The following CSMD3 variants were observed in gnomAD, a reference collection of about 807,000 sequenced individuals.
The protein encoded by CSMD3 is CUB and sushi domain-containing protein 3.
CSMD3 carries 177 observed loss-of-function variants against 435.2 expected under a neutral mutation model. The observed-to-expected ratio is 0.41, with a 90% CI of 0.36 to 0.46. CSMD3 has a LOEUF of 0.46. Among genes scored for constraint, CSMD3 ranks in the 20% least tolerant of loss-of-function variants. The probability of loss-of-function intolerance (pLI) is 0.34; values close to 1 mark genes in which losing one functional copy is unlikely to be tolerated. For synonymous variants in CSMD3, 1,656 were observed against 1,520.5 expected (o/e 1.09, Z -2.07); for missense variants, 4,265 against 4,504.6 (o/e 0.95, Z 1.52).
intron 32 of CSMD3, among the ~76,000 whole-genome samples, chr8:112,459,972 A>T (rs912939310): frequency 1.3e-5 from 2 of 152,098 alleles, no homozygotes; most frequent in African/African-American, 4.8e-5. Context: ...GTGCCATCTC[A>T]TCAGATCAAT....
In CSMD3 at chr8:112,319,892, C is replaced by A. The variant is rs1333404672; in HGVS notation, c.7246+9G>T. 2.5e-6 allele frequency: 4 copies of A among 1,594,124 alleles called. No homozygotes were observed. In the South Asian group the frequency reaches 4.4e-5, roughly 18 times the overall value. On this transcript the variant is annotated intron_variant, in intron 46 of 70. Coordinates refer to ENST00000297405, the MANE Select transcript of CSMD3 (RefSeq NM_198123.2). Reference sequence around the variant, plus strand: ...TATGTTTTCCTTGAAAATAATTTAACAGCTTTACCTATTTCAAATTCATCA... The same window carrying A: ...TATGTTTTCCTTGAAAATAATTTAAAAGCTTTACCTATTTCAAATTCATCA...
At chr8:112,805,628 G>T (rs113522121) in intron 12 of CSMD3, among the ~76,000 whole-genome samples, 1 of 152,090 alleles carries the variant, frequency 6.6e-6, no homozygotes, top group African/African-American at 2.4e-5. Context: ...CTCCATTCAC[G>T]CCTTTAGTTT....
At chr8:112,773,278 G>A (rs907579685) in intron 13 of CSMD3, among the ~76,000 whole-genome samples, 4 of 152,002 alleles carry the variant, frequency 2.6e-5, no homozygotes, top group Non-Finnish European at 4.4e-5. Context: ...AAGTAAAAAT[G>A]ATGAAACAGA....
intron 3 of CSMD3, among the ~76,000 whole-genome samples, chr8:113,202,966 C>A (rs1485012234): frequency 6.6e-6 from 1 of 152,058 alleles, no homozygotes; most frequent in Non-Finnish European, 1.5e-5. Context: ...TATGGAATTA[C>A]AGAAGAATAA....
In CSMD3 at chr8:112,369,963, GGAA is replaced by G. The variant is rs1320942013; in HGVS notation, c.6136+10386_6136+10388del. On this transcript the variant is annotated intron_variant, in intron 38 of 70. Coordinates refer to ENST00000297405, the MANE Select transcript of CSMD3 (RefSeq NM_198123.2). Reference sequence around the variant, plus strand: ...AAGAAGAAGAGGGGGAGGAGGAGGAGGAAGAAGAAGAAGAAGAGAAAGAGGAAG... The same window carrying G: ...AAGAAGAAGAGGGGGAGGAGGAGGAGGAAGAAGAAGAAGAGAAAGAGGAAG... Among the ~76,000 whole-genome samples the G allele has an allele frequency of 6.2e-4, 86 of 139,632 alleles. 11 individuals carry two copies. The highest frequency in any genetic ancestry group is 1.1e-3 in the Non-Finnish European group (72 of 63,632). 91.6% of individuals were successfully genotyped at this position (139,632 alleles called of 152,430 possible).
At chr8:113,110,573 A>AT (rs546476646) in intron 4 of CSMD3, among the ~76,000 whole-genome samples, 3 of 152,094 alleles carry the variant, frequency 2.0e-5, no homozygotes, top group East Asian at 1.9e-4. Context: ...ATATTTCTAC[A>AT]TTTTTTTAAT....
chr8:112,550,894 T>C (rs1464633099), intron 26 of CSMD3, 21 bp from the exon 27 acceptor site: 10 of 1,556,360 alleles, frequency 6.4e-6, no homozygotes, highest in Non-Finnish European at 8.9e-6. Context: ...ACCATATTTC[T>C]CTGATTATTT....
intron 66 of CSMD3, 23 bp from the exon 67 acceptor site, chr8:112,237,371 A>G (rs1226896525): frequency 5.9e-6 from 9 of 1,536,196 alleles, no homozygotes; most frequent in Non-Finnish European, 8.1e-6. Context: ...TAAATATACC[A>G]CACATTAATT....
rs2074735531 is a variant in CSMD3 at position 112,638,758 on chromosome 8, G to A, written c.3464C>T (p.Ala1155Val). Residue 1155 changes from alanine (A) to valine (V), a missense_variant, in exon 21 of 71, where the codon GCT (alanine) becomes GTT (valine). This residue lies in a region of CSMD3 where 3,255 missense variants were observed against 3,380.2 expected (regional missense o/e 0.96). Coordinates refer to ENST00000297405, the MANE Select transcript of CSMD3 (RefSeq NM_198123.2). ...INAGLYGNFR[A>V]QLRFISDFSI... ...AAAATCTGAAATGAAACGCAATTGA[G>A]CCCTGAAATTTCCATAGAGACCAGC... The A allele has an allele frequency of 1.9e-6, 3 of 1,611,378 alleles. No homozygotes were observed. The highest frequency in any genetic ancestry group is 1.1e-5 in the South Asian group (1 of 91,028).
intron 32 of CSMD3, among the ~76,000 whole-genome samples, chr8:112,442,689 A>C (rs1341513207): frequency 1.3e-5 from 2 of 152,196 alleles, no homozygotes; most frequent in African/African-American, 4.8e-5. Flanking sequence ...AACTCCCTGC[A>C]GCCTAACGTG....
At position 112,906,828 on chromosome 8, in the gene CSMD3, A is replaced by G. The variant is rs1173956795; in HGVS notation, c.1633+14799T>C. On this transcript the variant is annotated intron_variant, in intron 10 of 70. Coordinates refer to ENST00000297405, the MANE Select transcript of CSMD3 (RefSeq NM_198123.2). ...CCTTTTTGTTTGTCTTTAATCTTCC[A>G]TATTACAACCATAGGGTTTGCACAT... Among the ~76,000 whole-genome samples, 5 of 151,602 alleles carry G rather than the reference A, an allele frequency of 3.3e-5. No homozygotes were observed. The South Asian group carries it at 8.3e-4, about 25-fold the overall frequency.
At chr8:113,314,822 A>T in intron 1 of CSMD3, 29 bp from the exon 2 acceptor site, 1 of 1,315,830 alleles carries the variant, frequency 7.6e-7, no homozygotes, top group Non-Finnish European at 1.1e-6. Flanking sequence ...AACAGACATT[A>T]ATATTATATA....
intron 3 of CSMD3, among the ~76,000 whole-genome samples, chr8:113,174,821 G>T (rs2092323525): frequency 6.6e-6 from 1 of 151,566 alleles, no homozygotes; most frequent in African/African-American, 2.4e-5. Flanking sequence ...AGTAATTAAT[G>T]AACTAAAAGA....
chr8:112,358,515 G>A (rs1397825772), intron 38 of CSMD3, among the ~76,000 whole-genome samples: 1 of 152,184 alleles, frequency 6.6e-6, no homozygotes, highest in Admixed American at 6.5e-5. Flanking sequence ...GAGGAACCCA[G>A]TGGCAGGTAA....
At position 112,498,014 on chromosome 8, in the gene CSMD3, G is replaced by A. The variant is rs549352771; in HGVS notation, c.5084-5331C>T. 1.5e-4 allele frequency among the ~76,000 whole-genome samples: 23 copies of A among 152,198 alleles called. No homozygotes were observed. In the East Asian group the frequency reaches 1.7e-3, roughly 12 times the overall value. The stretch of plus-strand genomic sequence containing the variant: ...CTAAATGTGTACTGGTATAATAGGT[G>A]AAGACAGTGGGTGGGGAAGAAGGAT... On this transcript the variant is annotated intron_variant, in intron 30 of 70. Coordinates refer to ENST00000297405, the MANE Select transcript of CSMD3 (RefSeq NM_198123.2).
intron 13 of CSMD3, among the ~76,000 whole-genome samples, chr8:112,691,886 T>A (rs141680472): frequency 6.6e-6 from 1 of 151,968 alleles, no homozygotes; most frequent in Non-Finnish European, 1.5e-5. Flanking sequence ...TTGTAACCTA[T>A]GCCTCCCAGG....
At chr8:112,528,254 A>G (rs1825179556) in intron 27 of CSMD3, among the ~76,000 whole-genome samples, 2 of 152,142 alleles carry the variant, frequency 1.3e-5, no homozygotes, top group African/African-American at 2.4e-5. Flanking sequence ...CCAAACATCT[A>G]TTCTAATGAT....
chr8:112,614,153 C>G (rs1833489040), intron 22 of CSMD3, among the ~76,000 whole-genome samples: 1 of 152,010 alleles, frequency 6.6e-6, no homozygotes, highest in African/African-American at 2.4e-5. Context: ...GCATTGCAGG[C>G]AGAGGGAATA....
intron 27 of CSMD3, among the ~76,000 whole-genome samples, chr8:112,517,800 C>G (rs943929909): frequency 3.3e-5 from 5 of 152,128 alleles, no homozygotes; most frequent in African/African-American, 1.2e-4. Context: ...CGGGATCATT[C>G]ATGCATTGCT....
Sources: gnomAD v4.1 joint callset for allele counts (sites outside exome capture counted in the v4.1 genomes callset) on GRCh38, gnomAD v4.1.1 for gene constraint, gnomAD v4.1.1 regional missense constraint, MANE v1.5 for transcripts, NCBI Gene and HGNC (gene_info 2026-07-23, HGNC 2026-07-21) for gene names.